The following TBC1D12 variants were observed in gnomAD, a reference collection of about 807,000 sequenced individuals.
TBC1D12 encodes the protein TBC1 domain family member 12.
A neutral mutation model predicts 86.7 loss-of-function variants in TBC1D12; 56 were observed. The ratio of observed to expected loss-of-function variants is 0.65; its 90% CI spans 0.52 to 0.81. The LOEUF (loss-of-function observed/expected upper bound fraction) is 0.81, where lower values mean the gene tolerates loss of function less well. Among genes scored for constraint, TBC1D12 ranks in the 30% least tolerant of loss-of-function variants. The probability of loss-of-function intolerance (pLI) is 0.00; values close to 1 mark genes in which losing one functional copy is unlikely to be tolerated. For missense variants in TBC1D12, 1,023 were observed against 1,038.8 expected (o/e 0.98, Z 0.21); for synonymous variants, 421 against 411.7 (o/e 1.02, Z -0.27).
intron 1 of TBC1D12, among the ~76,000 whole-genome samples, chr10:94,417,491 G>A (rs2055014631): frequency 6.6e-6 from 1 of 152,166 alleles, no homozygotes; most frequent in African/African-American, 2.4e-5. Flanking sequence ...GGAATTTAAT[G>A]AGGATGGGAA....
intron 2 of TBC1D12, among the ~76,000 whole-genome samples, chr10:94,444,420 G>T (rs1225429777): frequency 1.3e-5 from 2 of 151,946 alleles, no homozygotes; most frequent in Non-Finnish European, 2.9e-5. Context: ...TTAAGTTTTA[G>T]CTCCTTTTTT....
At chr10:94,439,759 G>A (rs149855205) in intron 1 of TBC1D12, among the ~76,000 whole-genome samples, 52 of 152,256 alleles carry the variant, frequency 3.4e-4, no homozygotes, top group Non-Finnish European at 6.5e-4. Flanking sequence ...TTATCTTAGA[G>A]CATAAAGGTG....
At chr10:94,487,651 A>G (rs2056185466) in intron 3 of TBC1D12, among the ~76,000 whole-genome samples, 1 of 151,718 alleles carries the variant, frequency 6.6e-6, no homozygotes, top group Admixed American at 6.6e-5. Flanking sequence ...ACTTTTTTAA[A>G]AAAACTTTTT....
chr10:94,496,120 A>C (rs1159772164), intron 4 of TBC1D12, among the ~76,000 whole-genome samples: 2 of 151,794 alleles, frequency 1.3e-5, no homozygotes, highest in African/African-American at 4.8e-5. Context: ...GAAGAAAGAA[A>C]GTAGAGATTG....
chr10:94,504,178 A>C (rs917631596), intron 6 of TBC1D12, among the ~76,000 whole-genome samples: 3 of 152,208 alleles, frequency 2.0e-5, no homozygotes, highest in Admixed American at 2.0e-4. Context: ...CTTAAGAATC[A>C]ATTTTGCAAA....
chr10:94,465,778 A>G (rs1052705562), intron 2 of TBC1D12, among the ~76,000 whole-genome samples: 24 of 137,878 alleles, frequency 1.7e-4, no homozygotes, highest in East Asian at 1.7e-3. Flanking sequence ...GTATACGCAT[A>G]CATACATACA....
intron 3 of TBC1D12, among the ~76,000 whole-genome samples, chr10:94,492,080 G>T (rs2056252584): frequency 6.6e-6 from 1 of 152,124 alleles, no homozygotes; most frequent in Non-Finnish European, 1.5e-5. Flanking sequence ...TGATTGAAAA[G>T]ACATTAAATT....
chr10:94,432,456 G>GTA (rs1346765043), intron 1 of TBC1D12, among the ~76,000 whole-genome samples: 5 of 152,074 alleles, frequency 3.3e-5, no homozygotes, highest in Non-Finnish European at 5.9e-5. Flanking sequence ...TTCATTGCAG[G>GTA]TATATGCCAT....
At chr10:94,419,190 A>C (rs1376373845) in intron 1 of TBC1D12, among the ~76,000 whole-genome samples, 6 of 152,070 alleles carry the variant, frequency 3.9e-5, no homozygotes, top group Admixed American at 3.9e-4. Flanking sequence ...CATTTTTTTG[A>C]TAGCAAACAC....
chr10:94,409,806 A>G (rs1413733740), intron 1 of TBC1D12, among the ~76,000 whole-genome samples: 4 of 152,148 alleles, frequency 2.6e-5, no homozygotes, highest in African/African-American at 4.8e-5. Context: ...TAATTTTTAA[A>G]ATCTTTTATT....
intron 11 of TBC1D12, among the ~76,000 whole-genome samples, chr10:94,530,608 T>C (rs369092044): frequency 8.9e-4 from 135 of 152,294 alleles, no homozygotes; most frequent in African/African-American, 3.2e-3. Flanking sequence ...AGTTTTCTTA[T>C]AGTTTACTAA....
intron 3 of TBC1D12, among the ~76,000 whole-genome samples, chr10:94,490,774 A>G (rs2056234924): frequency 2.0e-5 from 3 of 152,194 alleles, no homozygotes; most frequent in South Asian, 2.1e-4. Context: ...CTGAGGCATT[A>G]TTCTTCTAAG....
intron 11 of TBC1D12, among the ~76,000 whole-genome samples, chr10:94,530,161 G>A (rs1842387469): frequency 2.0e-5 from 3 of 152,122 alleles, no homozygotes; most frequent in Admixed American, 1.3e-4. Context: ...CACACAATCA[G>A]TGTAAACAAT....
At chr10:94,500,123 T>A in intron 5 of TBC1D12, 98 bp from the exon 6 acceptor site, 3 of 1,058,318 alleles carry the variant, frequency 2.8e-6, no homozygotes, top group Admixed American at 5.4e-5. Context: ...TAAAAATGAT[T>A]TGATCACTTG....
chr10:94,426,586 TA>T (rs1223988665), intron 1 of TBC1D12, among the ~76,000 whole-genome samples: 1 of 152,166 alleles, frequency 6.6e-6, no homozygotes, highest in African/African-American at 2.4e-5. Flanking sequence ...TATTTTTGTA[TA>T]TTTTTTTGAG....
At chr10:94,414,313 C>G (rs750838801) in intron 1 of TBC1D12, among the ~76,000 whole-genome samples, 1 of 151,900 alleles carries the variant, frequency 6.6e-6, no homozygotes, top group Non-Finnish European at 1.5e-5. Context: ...AAGTATAGTA[C>G]GAGAAACTAT....
At chr10:94,465,773 CGCAT>C (rs1401920284) in intron 2 of TBC1D12, among the ~76,000 whole-genome samples, 8 of 146,584 alleles carry the variant, frequency 5.5e-5, no homozygotes, top group South Asian at 2.2e-4. Context: ...CATACGTATA[CGCAT>C]ACATACATAC....
In TBC1D12 at chr10:94,402,708, TA is replaced by T; in HGVS notation, c.97del (p.Ile33SerfsTer101). ...GACCCCGTGGGCCAGGACAGGAAGG[TA>T]ATCCGGGCCACGGGCGGCTTTGGCG... Reference protein sequence around the residue: ...APDPVGQDRKVIRATGGFGGG... With the variant: ...APDPVGQDRKXIRATGGFGGG... On this transcript the variant is annotated frameshift_variant, in exon 1 of 13. Transcript: ENST00000225235. LOFTEE classifies it high-confidence loss of function. 1 of 1,589,990 alleles carries T rather than the reference TA, an allele frequency of 6.3e-7. No individual in the cohort carries two copies. Among genetic ancestry groups the T allele is most frequent in the Non-Finnish European group, 8.6e-7 (1 of 1,168,260 alleles).
At chr10:94,503,727 C>CA (rs2056427602) in intron 6 of TBC1D12, among the ~76,000 whole-genome samples, 1 of 152,118 alleles carries the variant, frequency 6.6e-6, no homozygotes, top group Non-Finnish European at 1.5e-5. Context: ...TGGGTTCAAG[C>CA]AGTTGTCCCT....
Sources: allele counts gnomAD v4.1 joint callset (sites outside exome capture counted in the v4.1 genomes callset), GRCh38; gene constraint gnomAD v4.1.1; transcripts MANE v1.5; gene names NCBI Gene and HGNC (gene_info 2026-07-23, HGNC 2026-07-21).